Variants in NUDCD1 observed in about 807,000 individuals in gnomAD.
NUDCD1 encodes the protein nudC domain-containing protein 1.
NUDCD1 carries 60 observed loss-of-function variants against 67.8 expected under a neutral mutation model. That is an observed-to-expected ratio of 0.88 (90% CI 0.72 to 1.10). The LOEUF (loss-of-function observed/expected upper bound fraction) is 1.10. Among genes scored for constraint, NUDCD1 ranks in the 50% least tolerant of loss-of-function variants. The pLI is 0.00. For missense variants in NUDCD1, 643 were observed against 695.0 expected (o/e 0.93, Z 0.84); for synonymous variants, 244 against 230.8 (o/e 1.06, Z -0.52).
At chr8:109,279,402 T>C (rs1480491983) in intron 6 of NUDCD1, among the ~76,000 whole-genome samples, 1 of 152,192 alleles carries the variant, frequency 6.6e-6, no homozygotes, top group Admixed American at 6.5e-5. Flanking sequence ...CTATCTTCTA[T>C]TGTGACATGT....
At chr8:109,256,530 A>C (rs1176353304) in intron 8 of NUDCD1, among the ~76,000 whole-genome samples, 1 of 152,222 alleles carries the variant, frequency 6.6e-6, no homozygotes, top group Non-Finnish European at 1.5e-5. Context: ...AAGGACACTG[A>C]AAATTATTCT....
intron 8 of NUDCD1, among the ~76,000 whole-genome samples, chr8:109,254,678 A>C (rs1813689559): frequency 6.6e-6 from 1 of 152,134 alleles, no homozygotes; most frequent in South Asian, 2.1e-4. Context: ...CATGCATTTC[A>C]AATAGTCAAT....
At chr8:109,251,092 ATTTCT>A (rs1203693082) in intron 8 of NUDCD1, among the ~76,000 whole-genome samples, 1 of 151,728 alleles carries the variant, frequency 6.6e-6, no homozygotes, top group African/African-American at 2.4e-5. Context: ...GCGGCTGGAG[ATTTCT>A]TTGTTGGAAA....
At position 109,278,298 on chromosome 8, in the gene NUDCD1, A is replaced by G. The variant is rs560532624; in HGVS notation, c.1028+2670T>C. 7.5e-4 allele frequency among the ~76,000 whole-genome samples: 114 copies of G among 152,340 alleles called. 1 individual carries two copies. The highest frequency in any genetic ancestry group is 3.4e-3 in the Middle Eastern group (1 of 294). The stretch of plus-strand genomic sequence containing the variant: ...ATTTTAGTAATCCAAATAATTGGGG[A>G]AAAAACTGCCTGGAATAATAGATTT... On this transcript the variant is annotated intron_variant, in intron 6 of 9. Transcript: ENST00000239690.
intron 1 of NUDCD1, among the ~76,000 whole-genome samples, chr8:109,328,253 C>T (rs1360962995): frequency 2.0e-5 from 3 of 152,122 alleles, no homozygotes; most frequent in African/African-American, 4.8e-5. Context: ...ATAAATACAA[C>T]GGTTACATGG....
Position 109,241,602 on chromosome 8 carries a change from C to T in NUDCD1, c.*1407G>A, listed in dbSNP as rs906452575. The stretch of plus-strand genomic sequence containing the variant: ...AATTGTCAATACCAGTCCTCAGGAC[C>T]TTTCCTAACTTTCTACCTAGCACCT... On this transcript the variant is annotated 3_prime_UTR_variant, in exon 10 of 10. Coordinates refer to ENST00000239690, the MANE Select transcript of NUDCD1 (RefSeq NM_032869.4). 2 of 152,280 alleles carry T rather than the reference C, an allele frequency of 1.3e-5. No homozygotes were observed. Among genetic ancestry groups the T allele is most frequent in the East Asian group, 3.9e-4 (2 of 5,194 alleles). 9.4% of individuals were successfully genotyped at this position (152,280 alleles called of 1,614,324 possible).
chr8:109,248,495 A>C (rs1188657836), intron 8 of NUDCD1, among the ~76,000 whole-genome samples: 1 of 152,178 alleles, frequency 6.6e-6, no homozygotes, highest in African/African-American at 2.4e-5. Context: ...CACCAAGGCT[A>C]ATCTATCTTT....
At position 109,271,010 on chromosome 8, in the gene NUDCD1, G is replaced by C. The variant is rs750668316; in HGVS notation, c.1294C>G (p.His432Asp). 1 of 1,573,400 alleles carries C rather than the reference G, an allele frequency of 6.4e-7. No individual in the cohort carries two copies. The highest frequency in any genetic ancestry group is 1.2e-5 in the South Asian group (1 of 85,596). Residue 432 changes from histidine (H) to aspartate (D), a missense_variant, in exon 8 of 10, where the codon CAT (histidine) becomes GAT (aspartate). Physicochemically the swap from His to Asp is moderately conservative, Grantham distance 81. Transcript: ENST00000239690. ...RFDGNTLKTTHVVNLGSNQYL... is the reference protein window; with the variant it reads ...RFDGNTLKTTDVVNLGSNQYL... ...TATTAATATCAGTAACTTACCACATGAGTAGTTTTTAATGTATTGCCATCA... is the reference window on the plus strand; with the variant it reads ...TATTAATATCAGTAACTTACCACATCAGTAGTTTTTAATGTATTGCCATCA...
At chr8:109,319,408 T>G (rs1049248543) in intron 2 of NUDCD1, among the ~76,000 whole-genome samples, 1 of 152,206 alleles carries the variant, frequency 6.6e-6, no homozygotes, top group Non-Finnish European at 1.5e-5. Context: ...AAGCCTAAAT[T>G]AGCTGGCCTT....
rs1160979545 is a variant in NUDCD1 at position 109,270,066 on chromosome 8, GC to G, written c.1299+938del. Reference sequence around the variant, plus strand: ...AGAGTGTAATTTTGAGGTGGCGGGGGCGGGGGGGGGGGGGGGTGCCTTAAGG... The same window carrying G: ...AGAGTGTAATTTTGAGGTGGCGGGGGGGGGGGGGGGGGGGGTGCCTTAAGG... On this transcript the variant is annotated intron_variant, in intron 8 of 9. Transcript: ENST00000239690. Among the ~76,000 whole-genome samples, 44 of 69,074 alleles carry G rather than the reference GC, an allele frequency of 6.4e-4. 1 individual carries two copies. Among genetic ancestry groups the G allele is most frequent in the African/African-American group, 2.3e-3 (41 of 17,946 alleles). 45.3% of individuals were successfully genotyped at this position (69,074 alleles called of 152,430 possible).
chr8:109,287,421 T>C (rs1262551426), intron 5 of NUDCD1, among the ~76,000 whole-genome samples: 3 of 152,066 alleles, frequency 2.0e-5, no homozygotes, highest in South Asian at 2.1e-4. Context: ...ATAAAAACAA[T>C]GTGGCACATA....
chr8:109,282,007 A>AACC (rs1403116918), intron 5 of NUDCD1, among the ~76,000 whole-genome samples: 1 of 152,094 alleles, frequency 6.6e-6, no homozygotes, highest in East Asian at 1.9e-4. Flanking sequence ...CCATCCCCCG[A>AACC]ACCCTGTCCA....
intron 5 of NUDCD1, among the ~76,000 whole-genome samples, chr8:109,284,205 AAT>A (rs1322302689): frequency 1.3e-5 from 2 of 152,144 alleles, no homozygotes; most frequent in Admixed American, 1.3e-4. Context: ...GGCATTACAT[AAT>A]AATAAAGGGT....
intron 8 of NUDCD1, among the ~76,000 whole-genome samples, chr8:109,247,011 T>C (rs1027840595): frequency 2.6e-5 from 4 of 152,176 alleles, no homozygotes; most frequent in Admixed American, 6.5e-5. Context: ...GGCTTTTTCG[T>C]AGAGCCAGTG....
At chr8:109,305,790 G>A (rs1365109602) in intron 2 of NUDCD1, among the ~76,000 whole-genome samples, 5 of 151,952 alleles carry the variant, frequency 3.3e-5, no homozygotes, top group African/African-American at 4.8e-5. Context: ...GTACCCCAAC[G>A]GCTGTTCGTC....
chr8:109,270,990 A>T lies in NUDCD1; in HGVS notation c.1299+15T>A, dbSNP rs1405128598. On this transcript the variant is annotated intron_variant, in intron 8 of 9. Coordinates refer to ENST00000239690, the MANE Select transcript of NUDCD1 (RefSeq NM_032869.4). ...TACTGACAAAATTTTAGAAATATTA[A>T]TATCAGTAACTTACCACATGAGTAG... The T allele has an allele frequency of 1.3e-6, 2 of 1,530,708 alleles. No homozygotes were observed. The highest frequency in any genetic ancestry group is 1.8e-6 in the Non-Finnish European group (2 of 1,128,340). The allele number at this position is 1,530,708 out of a possible 1,614,324, so 94.8% of individuals were successfully genotyped here.
chr8:109,245,305 A>T lies in NUDCD1; in HGVS notation c.1459+17T>A, dbSNP rs778956429. Reference sequence around the variant, plus strand: ...ATTTCTGATTTCATGGAAAATGTCAAAGAGTTTGCTTTATACCTAAAGCAT... The same window carrying T: ...ATTTCTGATTTCATGGAAAATGTCATAGAGTTTGCTTTATACCTAAAGCAT... On this transcript the variant is annotated intron_variant, in intron 9 of 9. Transcript: ENST00000239690. 2.5e-6 allele frequency: 4 copies of T among 1,591,566 alleles called. No individual in the cohort carries two copies. The Admixed American group carries it at 7.2e-5, about 29-fold the overall frequency.
At chr8:109,272,817 A>G (rs1315547313) in intron 7 of NUDCD1, among the ~76,000 whole-genome samples, 3 of 152,130 alleles carry the variant, frequency 2.0e-5, no homozygotes, top group East Asian at 1.9e-4. Flanking sequence ...TCTACTCTAA[A>G]TATCAATGGG....
chr8:109,255,446 T>TA (rs554687985), intron 8 of NUDCD1, among the ~76,000 whole-genome samples: 144 of 152,234 alleles, frequency 9.5e-4, no homozygotes, highest in African/African-American at 3.2e-3. Flanking sequence ...TGGTATAAAA[T>TA]ACAACTGGTG....
Sources: gnomAD v4.1 joint callset for allele counts (sites outside exome capture counted in the v4.1 genomes callset) on GRCh38, gnomAD v4.1.1 for gene constraint, MANE v1.5 for transcripts, NCBI Gene and HGNC (gene_info 2026-07-23, HGNC 2026-07-21) for gene names.